The following CCDC158 variants were observed in gnomAD, a reference collection of about 807,000 sequenced individuals.
CCDC158 encodes coiled-coil domain-containing protein 158.
Under a neutral mutation model 138.6 loss-of-function variants are expected in CCDC158, and 116 were observed. The observed-to-expected ratio is 0.84, with a 90% confidence interval of 0.72 to 0.98. CCDC158 has a LOEUF of 0.98. Ranked by LOEUF, CCDC158 falls within the 50% of genes least tolerant of loss-of-function variation. The pLI, the probability that CCDC158 is intolerant of heterozygous loss-of-function variation, is 0.00. For synonymous variants in CCDC158, 436 were observed against 442.4 expected (o/e 0.99, Z 0.18); for missense variants, 1,265 against 1,306.1 (o/e 0.97, Z 0.48).
At chr4:76,322,484 G>T (rs1720114722) in intron 24 of CCDC158, among the ~76,000 whole-genome samples, 1 of 152,124 alleles carries the variant, frequency 6.6e-6, no homozygotes, top group Non-Finnish European at 1.5e-5. Context: ...TGAGTAAAAG[G>T]CCTGGCACAC....
intron 4 of CCDC158, among the ~76,000 whole-genome samples, chr4:76,385,716 G>A (rs1187927294): frequency 6.6e-6 from 1 of 151,972 alleles, no homozygotes; most frequent in East Asian, 1.9e-4. Flanking sequence ...AGAAAAAAAC[G>A]CAACTGAATT....
chr4:76,401,350 G>C (rs553660384), intron 3 of CCDC158: 174 of 507,926 alleles, frequency 3.4e-4, no homozygotes, highest in African/African-American at 2.8e-3. Context: ...AGGATTCTCT[G>C]TATGCCCAGA....
chr4:76,376,665 C>T (rs1419145260), intron 9 of CCDC158, among the ~76,000 whole-genome samples: 4 of 152,176 alleles, frequency 2.6e-5, no homozygotes, highest in Non-Finnish European at 4.4e-5. Context: ...TGCTCAGCTA[C>T]ACCATGTAAT....
At chr4:76,370,590 A>T (rs928066559) in intron 10 of CCDC158, among the ~76,000 whole-genome samples, 2 of 152,192 alleles carry the variant, frequency 1.3e-5, no homozygotes, top group African/African-American at 4.8e-5. Flanking sequence ...AACATCAGTA[A>T]GGAGACTGCC....
rs180767611 is a variant in CCDC158, at chr4:76,387,333, G to A, written c.289-2668C>T. On this transcript the variant is annotated intron_variant, in intron 4 of 24. Transcript: ENST00000682701. ...TCAAGATACACCCTGGGCCAAAAGGGAACCCATTGCCTTGAAGGGAAGAAC... is the reference window on the plus strand; with the variant it reads ...TCAAGATACACCCTGGGCCAAAAGGAAACCCATTGCCTTGAAGGGAAGAAC... Among the ~76,000 whole-genome samples the A allele has an allele frequency of 2.8e-3, 422 of 152,218 alleles. 2 individuals carry two copies. The highest frequency in any genetic ancestry group is 9.2e-3 in the African/African-American group (383 of 41,530).
intron 8 of CCDC158, among the ~76,000 whole-genome samples, chr4:76,380,774 C>T (rs1431038700): frequency 1.3e-5 from 2 of 152,206 alleles, no homozygotes; most frequent in African/African-American, 4.8e-5. Flanking sequence ...TAGGCAGCCC[C>T]TTCCAACACA....
At chr4:76,319,072 A>T (rs1030603275) in intron 24 of CCDC158, among the ~76,000 whole-genome samples, 11 of 152,124 alleles carry the variant, frequency 7.2e-5, no homozygotes, top group African/African-American at 2.7e-4. Context: ...GGAGATGAAG[A>T]CCATCCTGGC....
intron 9 of CCDC158, among the ~76,000 whole-genome samples, 194 bp downstream of exon 9, chr4:76,379,092 GAATC>G (rs1331895118): frequency 1.3e-5 from 2 of 151,986 alleles, no homozygotes; most frequent in Non-Finnish European, 2.9e-5. Flanking sequence ...TGCTAAGAAT[GAATC>G]AGAGTACACA....
chr4:76,369,289 C>T (rs1724998147), intron 11 of CCDC158, 137 bp downstream of exon 11: 1 of 593,936 alleles, frequency 1.7e-6, no homozygotes, highest in Non-Finnish European at 2.6e-6. Context: ...ATAAATTGCT[C>T]ACAGAATCCA....
chr4:76,313,347 T>G (rs1719069650), intron 24 of CCDC158, 101 bp from the exon 25 acceptor site: 1 of 599,418 alleles, frequency 1.7e-6, no homozygotes, highest in Non-Finnish European at 2.8e-6. Flanking sequence ...AGAATAGACA[T>G]GTTCTGAGCT....
At chr4:76,345,245 G>C in intron 18 of CCDC158, 1 of 936,586 alleles carries the variant, frequency 1.1e-6, no homozygotes, top group Admixed American at 1.7e-5. Context: ...AAGATCTGAA[G>C]CTAACAGAGC....
At chr4:76,410,997 C>T (rs1729250659) in intron 2 of CCDC158, among the ~76,000 whole-genome samples, 1 of 152,214 alleles carries the variant, frequency 6.6e-6, no homozygotes, top group Non-Finnish European at 1.5e-5. Flanking sequence ...TAAGAGTTAA[C>T]TGAGATAACT....
chr4:76,383,390 A>T (rs1379807150), intron 7 of CCDC158, among the ~76,000 whole-genome samples: 1 of 151,728 alleles, frequency 6.6e-6, no homozygotes, highest in Non-Finnish European at 1.5e-5. Flanking sequence ...CCTGGCTATA[A>T]ATCCCCATTT....
chr4:76,369,509 C>T lies in CCDC158; in HGVS notation c.1264G>A (p.Asp422Asn), dbSNP rs780553927. 3.7e-6 allele frequency: 6 copies of T among 1,614,158 alleles called. No individual in the cohort carries two copies. Among genetic ancestry groups the T allele is most frequent in the Admixed American group, 3.3e-5 (2 of 60,014 alleles). The change falls in exon 11 of 25, where the codon GAC (aspartate) becomes AAC (asparagine). Residue 422 changes from aspartate to asparagine, a missense_variant. Physicochemically the swap from Asp to Asn is conservative, Grantham distance 23. Coordinates refer to ENST00000682701, the MANE Select transcript of CCDC158 (RefSeq NM_001394954.1). ...ITIDHLRREL[D>N]NRNMEVQRLE... ...CGCTGCACCTCCATGTTCCGGTTGT[C>T]CAGTTCCCGCCGCAGGTGGTCAATG...
rs76622539 is a variant in CCDC158 at position 76,398,091 on chromosome 4, A to C, written c.71-1605T>G. On this transcript the variant is annotated intron_variant, in intron 3 of 24. Coordinates refer to ENST00000682701, the MANE Select transcript of CCDC158 (RefSeq NM_001394954.1). The stretch of plus-strand genomic sequence containing the variant: ...CATCATAGCACTTTGAATTAAAAAA[A>C]CAAAAGATGGTTCTATAATGATAAT... Among the ~76,000 whole-genome samples the C allele has an allele frequency of 2.0e-5, 3 of 152,254 alleles. No individual in the cohort carries two copies. In the South Asian group the frequency reaches 6.2e-4, roughly 31 times the overall value.
At chr4:76,344,482 G>A (rs1722352991) in intron 18 of CCDC158, 1 of 739,456 alleles carries the variant, frequency 1.4e-6, no homozygotes, top group African/African-American at 1.7e-5. Flanking sequence ...GTGGGCAGGA[G>A]CTCAAGAGCT....
chr4:76,354,216 C>T lies in CCDC158; in HGVS notation c.2287-935G>A, dbSNP rs181296123. Among the ~76,000 whole-genome samples the T allele has an allele frequency of 3.4e-3, 358 of 106,830 alleles. 1 individual carries two copies. Among genetic ancestry groups the T allele is most frequent in the African/African-American group, 0.012 (326 of 26,766 alleles). The allele number at this position is 106,830 out of a possible 152,430, so 70.1% of individuals were successfully genotyped here. ...GCGCCATCAGGAAGGATAAGCACTG[C>T]TTTAGGTTCCCAAAGGCAAAAAAAA... is the stretch of plus-strand genomic sequence containing the variant. On this transcript the variant is annotated intron_variant, in intron 15 of 24. Coordinates refer to ENST00000682701, the MANE Select transcript of CCDC158 (RefSeq NM_001394954.1).
rs1722984283 is a variant in CCDC158 at position 76,350,980 on chromosome 4, A to G, written c.2664+16T>C. 6.2e-7 allele frequency: 1 copy of G among 1,611,318 alleles called. No homozygotes were observed. Among genetic ancestry groups the G allele is most frequent in the African/African-American group, 1.3e-5 (1 of 74,814 alleles). ...ATATGTCATTTGCGTAATGGATCAT[A>G]AGACTGGTTACTTACATGAGACAGG... is the stretch of plus-strand genomic sequence containing the variant. On this transcript the variant is annotated intron_variant, in intron 18 of 24. Transcript: ENST00000682701.
At chr4:76,324,960 T>C (rs1187495633) in intron 23 of CCDC158, among the ~76,000 whole-genome samples, 1 of 152,242 alleles carries the variant, frequency 6.6e-6, no homozygotes, top group Non-Finnish European at 1.5e-5. Context: ...TGTTTCTTTC[T>C]GAGAAATTGG....
Sources: gnomAD v4.1 joint callset for allele counts (sites outside exome capture counted in the v4.1 genomes callset) on GRCh38, gnomAD v4.1.1 for gene constraint, MANE v1.5 for transcripts, NCBI Gene and HGNC (gene_info 2026-07-23, HGNC 2026-07-21) for gene names.